C14orf132: variants seen among roughly 807,000 people sequenced by gnomAD.
The protein encoded by C14orf132 is uncharacterized protein C14orf132.
Under a neutral mutation model 5.8 loss-of-function variants are expected in C14orf132, and 6 were observed. That is an observed-to-expected ratio of 1.03 (90% CI 0.57 to 2.04). The LOEUF (loss-of-function observed/expected upper bound fraction) is 2.04. Ranked by LOEUF, C14orf132 falls within the 30% of genes most tolerant of loss-of-function variation. The probability of loss-of-function intolerance (pLI) is 0.00; values close to 1 mark genes in which losing one functional copy is unlikely to be tolerated. For missense variants in C14orf132, 125 were observed against 115.8 expected, an observed-to-expected ratio of 1.08 and a Z score of -0.37; for synonymous variants, 51 against 49.8, an observed-to-expected ratio of 1.02 and a Z score of -0.10.
chr14:96,059,686 C>T (rs892096122), intron 1 of C14orf132, among the ~76,000 whole-genome samples: 9 of 152,192 alleles, frequency 5.9e-5, no homozygotes, highest in Admixed American at 2.0e-4. Context: ...AACATCCATC[C>T]AAACTCCCAT....
intron 1 of C14orf132, among the ~76,000 whole-genome samples, chr14:96,053,280 G>A (rs147158017): frequency 3.9e-5 from 6 of 152,190 alleles, no homozygotes; most frequent in Admixed American, 1.3e-4. Flanking sequence ...GCCAGACACC[G>A]TTCTAGGCAC....
At chr14:96,050,751 G>A (rs1434552710) in intron 1 of C14orf132, among the ~76,000 whole-genome samples, 5 of 151,926 alleles carry the variant, frequency 3.3e-5, no homozygotes, top group Non-Finnish European at 2.9e-5. Flanking sequence ...CGGAGCACCT[G>A]TATGGCTCAT....
Position 96,070,174 on chromosome 14 carries a change from G to A in C14orf132, c.28-16337G>A, listed in dbSNP as rs573705315. ...CCTTGTGGACAAATGAGGGTTTTCC[G>A]CTGTGGAGGGCACTCAGGTTGTGCC... On this transcript the variant is annotated intron_variant, in intron 1 of 1. Coordinates refer to ENST00000555004, the MANE Select transcript of C14orf132 (RefSeq NM_001252507.3). Among the ~76,000 whole-genome samples the A allele has an allele frequency of 2.0e-5, 3 of 152,328 alleles. No individual in the cohort carries two copies. The East Asian group carries it at 5.8e-4, about 29-fold the overall frequency.
intron 1 of C14orf132, among the ~76,000 whole-genome samples, chr14:96,064,071 G>A (rs1038433543): frequency 6.6e-6 from 1 of 152,008 alleles, no homozygotes; most frequent in Non-Finnish European, 1.5e-5. Context: ...AACAGTAGAT[G>A]TTGGCAGGGA....
intron 1 of C14orf132, among the ~76,000 whole-genome samples, chr14:96,076,108 T>C (rs1364805212): frequency 6.6e-6 from 1 of 152,192 alleles, no homozygotes; most frequent in Non-Finnish European, 1.5e-5. Flanking sequence ...AAGGACTGTG[T>C]GGTTTATCTT....
intron 1 of C14orf132, among the ~76,000 whole-genome samples, chr14:96,077,474 G>A (rs979187346): frequency 1.3e-5 from 2 of 152,112 alleles, no homozygotes; most frequent in Non-Finnish European, 2.9e-5. Context: ...ATCCTTATAA[G>A]AATAGGAAAT....
intron 1 of C14orf132, among the ~76,000 whole-genome samples, chr14:96,085,215 A>G (rs1336328436): frequency 6.6e-6 from 1 of 152,242 alleles, no homozygotes; most frequent in African/African-American, 2.4e-5. Flanking sequence ...GCCCCTGACC[A>G]TAGCAGGAGC....
chr14:96,049,653 T>TACGTATATATATATAGAGAGAG (rs371381526), intron 1 of C14orf132, among the ~76,000 whole-genome samples: 2 of 82,282 alleles, frequency 2.4e-5, no homozygotes, highest in South Asian at 4.1e-4. Context: ...TATATATATA[T>TACGTATATATATATAGAGAGAG]AGAGAGAGAG....
intron 1 of C14orf132, among the ~76,000 whole-genome samples, chr14:96,083,895 T>C (rs1888103476): frequency 1.3e-5 from 2 of 152,184 alleles, no homozygotes; most frequent in Non-Finnish European, 2.9e-5. Flanking sequence ...GGCATCACCC[T>C]GACCCGTTTG....
Position 96,086,768 on chromosome 14 carries a change from G to T in C14orf132, c.*33G>T, listed in dbSNP as rs1472936773. On this transcript the variant is annotated 3_prime_UTR_variant, in exon 2 of 2. Coordinates refer to ENST00000555004, the MANE Select transcript of C14orf132 (RefSeq NM_001252507.3). ...ACACCCTGCACCACCATGGGGTGAG[G>T]CTTGGCACGTAGCTCTGACTTGCTG... 3.3e-6 allele frequency: 5 copies of T among 1,525,546 alleles called. No individual in the cohort carries two copies. The highest frequency in any genetic ancestry group is 4.4e-6 in the Non-Finnish European group (5 of 1,138,254). The allele number at this position is 1,525,546 out of a possible 1,614,324, so 94.5% of individuals were successfully genotyped here.
At chr14:96,045,314 C>T (rs570723277) in intron 1 of C14orf132, among the ~76,000 whole-genome samples, 4 of 152,174 alleles carry the variant, frequency 2.6e-5, no homozygotes, top group East Asian at 3.9e-4. Flanking sequence ...AGATGCATGG[C>T]GGTTATGCAG....
chr14:96,049,675 T>G (rs1886974252), intron 1 of C14orf132, among the ~76,000 whole-genome samples: 5 of 119,456 alleles, frequency 4.2e-5, no homozygotes, highest in South Asian at 2.8e-4. Context: ...GAGAGAGAGT[T>G]CTGTCTTCTC....
chr14:96,042,398 G>T (rs1269223821), intron 1 of C14orf132, among the ~76,000 whole-genome samples: 2 of 152,186 alleles, frequency 1.3e-5, no homozygotes, highest in Non-Finnish European at 2.9e-5. Flanking sequence ...GCAGTCCCTT[G>T]GGAAAACCTC....
chr14:96,076,710 G>C (rs1395839603), intron 1 of C14orf132, among the ~76,000 whole-genome samples: 1 of 152,206 alleles, frequency 6.6e-6, no homozygotes, highest in Non-Finnish European at 1.5e-5. Context: ...GCAGCCCGTG[G>C]GTTGTGGGTT....
intron 1 of C14orf132, among the ~76,000 whole-genome samples, chr14:96,083,102 C>A (rs940473059): frequency 6.6e-6 from 1 of 152,226 alleles, no homozygotes; most frequent in Non-Finnish European, 1.5e-5. Context: ...CCCCATGAGG[C>A]CTGTCCCACG....
rs1888225420 is a variant in C14orf132, at chr14:96,087,262, C to A, written c.*527C>A. On this transcript the variant is annotated 3_prime_UTR_variant, in exon 2 of 2. Transcript: ENST00000555004. The stretch of plus-strand genomic sequence containing the variant: ...TTCCTAGTTTGACTTTGAAATGGCA[C>A]CTTTGCCACCAGACACCTGGTCCCT... The A allele has an allele frequency of 6.5e-6, 1 of 153,898 alleles. No individual in the cohort carries two copies. Among genetic ancestry groups the A allele is most frequent in the Admixed American group, 6.4e-5 (1 of 15,724 alleles). 9.5% of individuals were successfully genotyped at this position (153,898 alleles called of 1,614,324 possible).
At chr14:96,072,016 T>G (rs996903783) in intron 1 of C14orf132, among the ~76,000 whole-genome samples, 4 of 152,184 alleles carry the variant, frequency 2.6e-5, no homozygotes, top group African/African-American at 9.6e-5. Context: ...AGTTGCCTCT[T>G]ACTCAGACTC....
rs1005082533 is a variant in C14orf132, at chr14:96,087,497, C to G, written c.*762C>G. The G allele has an allele frequency of 1.3e-5, 2 of 152,012 alleles. No homozygotes were observed. The highest frequency in any genetic ancestry group is 1.3e-4 in the Admixed American group (2 of 15,274). The allele number at this position is 152,012 out of a possible 1,614,324, so 9.4% of individuals were successfully genotyped here. On this transcript the variant is annotated 3_prime_UTR_variant, in exon 2 of 2. Coordinates refer to ENST00000555004, the MANE Select transcript of C14orf132 (RefSeq NM_001252507.3). ...GAATGCTGTTTCTTCTCTGAGGAAT[C>G]GTGGAATTTTAAAGATGAACAAGAT...
chr14:96,071,563 A>G (rs1887707338), intron 1 of C14orf132, among the ~76,000 whole-genome samples: 1 of 152,188 alleles, frequency 6.6e-6, no homozygotes, highest in African/African-American at 2.4e-5. Flanking sequence ...TGTCACCCCA[A>G]TTAAGCCGTG....
Sources: gnomAD v4.1 joint callset for allele counts (sites outside exome capture counted in the v4.1 genomes callset) on GRCh38, gnomAD v4.1.1 for gene constraint, MANE v1.5 for transcripts, NCBI Gene and HGNC (gene_info 2026-07-23, HGNC 2026-07-21) for gene names.